EFL1: variants seen among roughly 807,000 people sequenced by gnomAD.
EFL1 encodes the protein elongation factor-like GTPase 1.
A neutral mutation model predicts 126.7 loss-of-function variants in EFL1; 76 were observed. The observed-to-expected ratio is 0.60, with a 90% confidence interval of 0.50 to 0.73. The LOEUF is 0.73. Among genes scored for constraint, EFL1 ranks in the 30% least tolerant of loss-of-function variants. EFL1 has a pLI of 0.00. For missense variants in EFL1, 1,128 were observed against 1,343.2 expected, an observed-to-expected ratio of 0.84 and a Z score of 2.50; for synonymous variants, 410 against 448.4, an observed-to-expected ratio of 0.91 and a Z score of 1.08.
chr15:82,220,716 T>C lies in EFL1; in HGVS notation c.1293-487A>G, dbSNP rs1311393903. Among the ~76,000 whole-genome samples, 4 of 148,620 alleles carry C rather than the reference T, an allele frequency of 2.7e-5. No homozygotes were observed. In the Middle Eastern group the frequency reaches 0.01, roughly 384 times the overall value. ...CAGCCACTGTGTTAGACCTAAGAAG[T>C]ACCATCACAGAAAAGGCAGTGTGTG... is the stretch of plus-strand genomic sequence containing the variant. On this transcript the variant is annotated intron_variant, in intron 12 of 19. Transcript: ENST00000268206.
rs184726504 is a variant in EFL1 at position 82,243,776 on chromosome 15, C to T, written c.245-2373G>A. On this transcript the variant is annotated intron_variant, in intron 4 of 19. Coordinates refer to ENST00000268206, the MANE Select transcript of EFL1 (RefSeq NM_024580.6). Reference sequence around the variant, plus strand: ...ACTTATCTATGCTCCCCTAAGTACGCGTCCATTTCCAGATTCTTTGAAATT... The same window carrying T: ...ACTTATCTATGCTCCCCTAAGTACGTGTCCATTTCCAGATTCTTTGAAATT... 1.8e-4 allele frequency among the ~76,000 whole-genome samples: 27 copies of T among 151,032 alleles called. No individual in the cohort carries two copies. The East Asian group carries it at 2.0e-3, about 11-fold the overall frequency.
At chr15:82,200,192 T>C (rs976816997) in intron 15 of EFL1, among the ~76,000 whole-genome samples, 8 of 152,188 alleles carry the variant, frequency 5.3e-5, no homozygotes, top group African/African-American at 1.4e-4. Context: ...CTAGAAAGGC[T>C]TAGCCAGGCA....
chr15:82,259,797 T>C (rs1253008184), intron 2 of EFL1, among the ~76,000 whole-genome samples: 2 of 152,206 alleles, frequency 1.3e-5, no homozygotes, highest in Non-Finnish European at 1.5e-5. Context: ...AGGGTTTTTT[T>C]CCTTCAAGAC....
chr15:82,228,675 A>G (rs1414487526), intron 9 of EFL1, among the ~76,000 whole-genome samples: 1 of 152,224 alleles, frequency 6.6e-6, no homozygotes, highest in East Asian at 1.9e-4. Flanking sequence ...TTATACCAGA[A>G]AAGTTATTTC....
chr15:82,180,891 T>C (rs77977186), intron 15 of EFL1, among the ~76,000 whole-genome samples: 2,831 of 152,100 alleles, frequency 0.019, 34 homozygotes, highest in Middle Eastern at 0.041. Flanking sequence ...ACTATCCTGG[T>C]TAATTTTTGT....
At chr15:82,212,713 G>C (rs1244501686) in intron 15 of EFL1, among the ~76,000 whole-genome samples, 3 of 152,148 alleles carry the variant, frequency 2.0e-5, no homozygotes, top group Admixed American at 6.5e-5. Flanking sequence ...GTGTGGACTG[G>C]CTATTCAAAA....
rs186134201 is a variant in EFL1, at chr15:82,131,548, G to C, written c.3175-987C>G. Among the ~76,000 whole-genome samples, 933 of 152,232 alleles carry C rather than the reference G, an allele frequency of 6.1e-3. 5 individuals carry two copies. Among genetic ancestry groups the C allele is most frequent in the Non-Finnish European group, 9.4e-3 (638 of 68,008 alleles). On this transcript the variant is annotated intron_variant, in intron 19 of 19. Transcript: ENST00000268206. The stretch of plus-strand genomic sequence containing the variant: ...TGTTTATTTAAAATGTTCAAGTTTG[G>C]GGGAGGCTGAGGCAGGTGGATCATC...
rs762747369 is a variant in EFL1, at chr15:82,241,266, T to C, written c.378+4A>G. On this transcript the variant is annotated splice_donor_region_variant and intron_variant, in intron 5 of 19. Transcript: ENST00000268206. ...TTAAGTATTTTCTCATCACAATCCATTACCTGTGGACAGACTCCTTCCACA... is the reference window on the plus strand; with the variant it reads ...TTAAGTATTTTCTCATCACAATCCACTACCTGTGGACAGACTCCTTCCACA... The C allele has an allele frequency of 1.4e-5, 22 of 1,613,680 alleles. No individual in the cohort carries two copies. Among genetic ancestry groups the C allele is most frequent in the Non-Finnish European group, 1.5e-5 (18 of 1,179,858 alleles).
At chr15:82,241,865 G>A (rs1344586666) in intron 4 of EFL1, among the ~76,000 whole-genome samples, 1 of 152,242 alleles carries the variant, frequency 6.6e-6, no homozygotes, top group African/African-American at 2.4e-5. Context: ...TCAAAGAGCA[G>A]TGTATGAATC....
Position 82,230,887 on chromosome 15 carries a change from A to G in EFL1, c.816T>C (p.Tyr272=). 6.2e-7 allele frequency: 1 copy of G among 1,613,264 alleles called. No homozygotes were observed. Among genetic ancestry groups the G allele is most frequent in the Non-Finnish European group, 8.5e-7 (1 of 1,179,528 alleles). Residue 272 remains tyrosine (Y), a synonymous_variant, in exon 8 of 20, where the codon TAT becomes TAC. Transcript: ENST00000268206. The part of the protein sequence containing the change: ...VLMKTLWGDY[Y]INMKAKKIMK... ...TGATCTTTTTAGCCTTCATATTTAT[A>G]TAGTAATCTCCCCACAAGGTTTTCA...
chr15:82,175,374 C>T (rs1465824549), intron 15 of EFL1, among the ~76,000 whole-genome samples: 5 of 152,130 alleles, frequency 3.3e-5, no homozygotes, highest in African/African-American at 7.2e-5. Context: ...TTTTCCAGGG[C>T]ACGCATTACT....
chr15:82,201,527 T>C (rs1283146789), intron 15 of EFL1, among the ~76,000 whole-genome samples: 4 of 152,306 alleles, frequency 2.6e-5, no homozygotes, highest in South Asian at 2.1e-4. Context: ...GGAGGTTCAG[T>C]TGAGGATTTT....
intron 15 of EFL1, among the ~76,000 whole-genome samples, chr15:82,209,748 A>G (rs1410354797): frequency 1.3e-5 from 2 of 152,244 alleles, no homozygotes; most frequent in Non-Finnish European, 2.9e-5. Context: ...CTTTAAATCA[A>G]CTATTTCCAG....
rs1015780470 is a variant in EFL1 at position 82,132,943 on chromosome 15, C to T, written c.3175-2382G>A. On this transcript the variant is annotated intron_variant, in intron 19 of 19. Transcript: ENST00000268206. ...CATTCACCAGCAAACAATGTCAACACGATACCAGTAGGGCTGAGTCAGTAT... is the reference window on the plus strand; with the variant it reads ...CATTCACCAGCAAACAATGTCAACATGATACCAGTAGGGCTGAGTCAGTAT... Among the ~76,000 whole-genome samples the T allele has an allele frequency of 4.6e-5, 7 of 152,082 alleles. No homozygotes were observed. In the South Asian group the frequency reaches 8.3e-4, roughly 18 times the overall value.
At chr15:82,143,569 C>T (rs1229355894) in intron 18 of EFL1, among the ~76,000 whole-genome samples, 3 of 152,162 alleles carry the variant, frequency 2.0e-5, no homozygotes, top group Non-Finnish European at 2.9e-5. Flanking sequence ...ATCAGGCCAA[C>T]GTGGTTGACA....
chr15:82,197,268 C>T (rs2141277638), intron 15 of EFL1, among the ~76,000 whole-genome samples: 1 of 152,216 alleles, frequency 6.6e-6, no homozygotes, highest in Non-Finnish European at 1.5e-5. Context: ...CCCCTATTCC[C>T]AGGGGACAGA....
chr15:82,227,201 G>T (rs931172282), intron 11 of EFL1, among the ~76,000 whole-genome samples: 19 of 152,212 alleles, frequency 1.2e-4, no homozygotes, highest in African/African-American at 4.6e-4. Context: ...TTTCTCACGA[G>T]GAGCATGTGT....
At chr15:82,226,509 T>A (rs1380278195) in intron 11 of EFL1, among the ~76,000 whole-genome samples, 2 of 152,166 alleles carry the variant, frequency 1.3e-5, no homozygotes, top group Non-Finnish European at 2.9e-5. Flanking sequence ...GTTTTTGGAC[T>A]GAGTAAATGA....
chr15:82,180,769 C>T (rs1302157437), intron 15 of EFL1, among the ~76,000 whole-genome samples: 2 of 150,618 alleles, frequency 1.3e-5, no homozygotes, highest in African/African-American at 4.9e-5. Flanking sequence ...TTTTTTAAGA[C>T]AGGCTGGAGT....
Sources: gnomAD v4.1 joint callset for allele counts (sites outside exome capture counted in the v4.1 genomes callset) on GRCh38, gnomAD v4.1.1 for gene constraint, MANE v1.5 for transcripts, NCBI Gene and HGNC (gene_info 2026-07-23, HGNC 2026-07-21) for gene names.